The following ANKRD30BL variants were observed in gnomAD, a reference collection of about 807,000 sequenced individuals.
The protein encoded by ANKRD30BL is putative ankyrin repeat domain-containing protein 30B-like.
In ANKRD30BL, 20 loss-of-function variants were observed where a neutral mutation model predicts 18.4. The ratio of observed to expected loss-of-function variants is 1.09; its 90% CI spans 0.77 to 1.58. The LOEUF (loss-of-function observed/expected upper bound fraction) is 1.58. Among genes scored for constraint, ANKRD30BL ranks in the 40% most tolerant of loss-of-function variants. ANKRD30BL has a pLI of 0.00. For synonymous variants in ANKRD30BL, 72 were observed against 100.9 expected (o/e 0.71, Z 1.72); for missense variants, 224 against 268.6 (o/e 0.83, Z 1.16).
chr2:132,225,815 G>A (rs554917213), intron 1 of ANKRD30BL, among the ~76,000 whole-genome samples: 9 of 151,528 alleles, frequency 5.9e-5, no homozygotes, highest in East Asian at 3.9e-4. Context: ...TGAGGCGTAC[G>A]GTGGAAAAGG....
rs192348552 is a variant in ANKRD30BL, at chr2:132,187,779, A to G, written n.442-30633T>C. Among the ~76,000 whole-genome samples, 1,159 of 148,194 alleles carry G rather than the reference A, an allele frequency of 7.8e-3. 10 individuals carry two copies. The highest frequency in any genetic ancestry group is 0.027 in the African/African-American group (1,080 of 39,846). ...ATAGATTCTTTTTTTTTTTTTTGAG[A>G]TGGAGTTTTGCTCTTGTCGCACAGG... On this transcript the variant is annotated intron_variant and non_coding_transcript_variant, in intron 1 of 4. Transcript: ENST00000470729.
At chr2:132,182,035 C>G (rs1163868656) in intron 1 of ANKRD30BL, among the ~76,000 whole-genome samples, 1 of 151,580 alleles carries the variant, frequency 6.6e-6, no homozygotes, top group Non-Finnish European at 1.5e-5. Context: ...GGCTTTAACC[C>G]GGGAGGTGGA....
chr2:132,201,843 G>A (rs992550808), intron 1 of ANKRD30BL, among the ~76,000 whole-genome samples: 17 of 152,270 alleles, frequency 1.1e-4, no homozygotes, highest in South Asian at 4.1e-4. Flanking sequence ...ACATGCACAC[G>A]TATGTTTATT....
intron 1 of ANKRD30BL, among the ~76,000 whole-genome samples, chr2:132,221,447 A>C (rs867993429): frequency 1.1e-5 from 1 of 87,560 alleles, no homozygotes; most frequent in South Asian, 4.4e-4. Flanking sequence ...CTGGCCAGCC[A>C]CCCCGTCCGG....
intron 1 of ANKRD30BL, among the ~76,000 whole-genome samples, chr2:132,248,414 A>G (rs866659740): frequency 2.0e-5 from 3 of 152,182 alleles, no homozygotes; most frequent in Non-Finnish European, 4.4e-5. Flanking sequence ...GTTTCTCAGA[A>G]TGCTTCTGTC....
intron 1 of ANKRD30BL, among the ~76,000 whole-genome samples, chr2:132,246,266 G>A (rs796874273): frequency 1.8e-4 from 27 of 151,276 alleles, no homozygotes; most frequent in Admixed American, 5.3e-4. Flanking sequence ...AACTTGGAGC[G>A]CTTTGAGGTG....
intron 1 of ANKRD30BL, among the ~76,000 whole-genome samples, chr2:132,219,040 G>A (rs1262579417): frequency 1.1e-4 from 17 of 148,650 alleles, no homozygotes; most frequent in African/African-American, 4.2e-4. Context: ...AACTCACAGA[G>A]TTGAACCTTT....
intron 1 of ANKRD30BL, among the ~76,000 whole-genome samples, chr2:132,176,379 T>G (rs1436374920): frequency 1.3e-5 from 2 of 151,942 alleles, no homozygotes; most frequent in African/African-American, 2.4e-5. Context: ...AATACAAAAA[T>G]TAGCCAGGCA....
intron 1 of ANKRD30BL, among the ~76,000 whole-genome samples, chr2:132,223,680 A>G (rs1156750566): frequency 1.3e-5 from 2 of 151,326 alleles, no homozygotes; most frequent in Non-Finnish European, 2.9e-5. Flanking sequence ...TGTACATTCA[A>G]CTCACAGACT....
intron 1 of ANKRD30BL, among the ~76,000 whole-genome samples, chr2:132,255,869 G>A (rs562465252): frequency 6.6e-5 from 10 of 152,218 alleles, no homozygotes; most frequent in African/African-American, 1.2e-4. Context: ...TCGCTGCCAC[G>A]GGGGGCGTGC....
intron 1 of ANKRD30BL, among the ~76,000 whole-genome samples, chr2:132,226,529 T>G (rs1288211077): frequency 6.6e-6 from 1 of 152,014 alleles, no homozygotes; most frequent in African/African-American, 2.4e-5. Flanking sequence ...TATCTTCACA[T>G]AAAATCTAGA....
intron 1 of ANKRD30BL, among the ~76,000 whole-genome samples, chr2:132,224,592 C>G (rs1467019932): frequency 6.6e-6 from 1 of 151,914 alleles, no homozygotes; most frequent in Non-Finnish European, 1.5e-5. Context: ...TGTAGAATCT[C>G]CAAATGGACA....
At chr2:132,257,223 C>G (rs371150862) in intron 1 of ANKRD30BL, 4 of 405,026 alleles carry the variant, frequency 9.9e-6, no homozygotes, top group South Asian at 1.8e-5. Flanking sequence ...GCATGCCCCC[C>G]ACTTGGGACG....
intron 1 of ANKRD30BL, among the ~76,000 whole-genome samples, chr2:132,231,878 TG>T (rs754040276): frequency 3.3e-4 from 51 of 152,340 alleles, no homozygotes; most frequent in Non-Finnish European, 6.0e-4. Context: ...GCTCCACCTC[TG>T]GGGGAAGGGC....
chr2:132,243,493 A>G (rs531687229), intron 1 of ANKRD30BL, among the ~76,000 whole-genome samples: 1 of 151,790 alleles, frequency 6.6e-6, no homozygotes, highest in African/African-American at 2.4e-5. Flanking sequence ...CAGTTTTGAA[A>G]CACTCTTCTA....
At chr2:132,192,643 A>G (rs1429669639) in intron 1 of ANKRD30BL, among the ~76,000 whole-genome samples, 1 of 152,262 alleles carries the variant, frequency 6.6e-6, no homozygotes, top group Non-Finnish European at 1.5e-5. Context: ...GTTGAATAGC[A>G]GGTAACCCAG....
At chr2:132,218,101 T>C (rs1230228591) in intron 1 of ANKRD30BL, among the ~76,000 whole-genome samples, 12 of 152,068 alleles carry the variant, frequency 7.9e-5, no homozygotes, top group African/African-American at 2.2e-4. Context: ...GAGGTCTTCA[T>C]TGGAAACGGG....
At chr2:132,239,612 G>C (rs1473390642) in intron 1 of ANKRD30BL, among the ~76,000 whole-genome samples, 8 of 151,898 alleles carry the variant, frequency 5.3e-5, no homozygotes, top group Admixed American at 4.0e-4. Context: ...GGATAGCTTT[G>C]AGAATTTCGT....
chr2:132,148,264 C>T (rs769638435), intron 5 of ANKRD30BL, 36 bp from the exon 6 acceptor site: 4 of 1,556,158 alleles, frequency 2.6e-6, no homozygotes, highest in South Asian at 2.3e-5. Context: ...TTTTCCTTCG[C>T]TAAATATCAT....
Sources: allele counts gnomAD v4.1 joint callset (sites outside exome capture counted in the v4.1 genomes callset), GRCh38; gene constraint gnomAD v4.1.1; transcripts MANE v1.5; gene names NCBI Gene and HGNC (gene_info 2026-07-23, HGNC 2026-07-21).